Variants in CTNND2 observed in about 807,000 individuals in gnomAD.
CTNND2 encodes catenin delta-2.
CTNND2 carries 22 observed loss-of-function variants against 144.4 expected under a neutral mutation model. That is an observed-to-expected ratio of 0.15 (90% CI 0.11 to 0.22). The LOEUF is 0.22. Among genes scored for constraint, CTNND2 ranks in the 10% least tolerant of loss-of-function variants. The pLI is 1.00. For synonymous variants in CTNND2, 751 were observed against 695.6 expected (o/e 1.08, Z -1.25); for missense variants, 1,353 against 1,618.8 (o/e 0.84, Z 2.82).
At chr5:11,815,896 GCTC>G (rs934268272) in intron 1 of CTNND2, among the ~76,000 whole-genome samples, 2 of 152,072 alleles carry the variant, frequency 1.3e-5, no homozygotes, top group Non-Finnish European at 1.5e-5. Flanking sequence ...CAGAGAAAAG[GCTC>G]CTCCTCATCA....
chr5:11,839,078 G>A (rs747297259), intron 1 of CTNND2, among the ~76,000 whole-genome samples: 3 of 152,120 alleles, frequency 2.0e-5, no homozygotes, highest in Admixed American at 1.3e-4. Flanking sequence ...GCACAATTTT[G>A]TAAAAATTCA....
intron 2 of CTNND2, among the ~76,000 whole-genome samples, chr5:11,639,302 T>C (rs1781872550): frequency 6.6e-6 from 1 of 152,118 alleles, no homozygotes; most frequent in Admixed American, 6.6e-5. Flanking sequence ...TAAAATGCTG[T>C]CTCCATACCA....
intron 2 of CTNND2, among the ~76,000 whole-genome samples, chr5:11,689,710 A>T (rs1234554527): frequency 6.6e-6 from 1 of 152,122 alleles, no homozygotes; most frequent in Non-Finnish European, 1.5e-5. Flanking sequence ...ATATTTTGAC[A>T]CTTGAGAAGC....
intron 1 of CTNND2, among the ~76,000 whole-genome samples, chr5:11,805,703 ATAAG>A (rs75192449): frequency 0.099 from 15,063 of 152,074 alleles, 1,746 homozygotes; most frequent in African/African-American, 0.27. Context: ...GTTTGAATAA[ATAAG>A]TAAATGGGGA....
chr5:11,300,151 C>G (rs1418093708), intron 9 of CTNND2, among the ~76,000 whole-genome samples: 1 of 152,070 alleles, frequency 6.6e-6, no homozygotes, highest in Non-Finnish European at 1.5e-5. Context: ...GTGGTTAACC[C>G]TCAGATCCCT....
intron 11 of CTNND2, among the ~76,000 whole-genome samples, chr5:11,171,860 A>G (rs1463247121): frequency 6.6e-6 from 1 of 152,192 alleles, no homozygotes; most frequent in Non-Finnish European, 1.5e-5. Flanking sequence ...ATCAAGAAAA[A>G]GTGAGCAAAG....
chr5:11,609,680 C>A (rs1780222954), intron 2 of CTNND2, among the ~76,000 whole-genome samples: 1 of 152,132 alleles, frequency 6.6e-6, no homozygotes, highest in Non-Finnish European at 1.5e-5. Flanking sequence ...AGTGAAACAA[C>A]ACAAAGGAAT....
At chr5:11,531,833 T>C (rs1773772007) in intron 3 of CTNND2, among the ~76,000 whole-genome samples, 1 of 152,230 alleles carries the variant, frequency 6.6e-6, no homozygotes, top group Non-Finnish European at 1.5e-5. Context: ...GACATTTACA[T>C]TCTGCTATCT....
intron 1 of CTNND2, among the ~76,000 whole-genome samples, chr5:11,869,828 T>C (rs574756293): frequency 3.9e-5 from 6 of 152,310 alleles, no homozygotes; most frequent in South Asian, 4.1e-4. Flanking sequence ...AGTCCAAATA[T>C]GTGTATTTCC....
At chr5:11,524,402 G>C (rs1037367249) in intron 3 of CTNND2, among the ~76,000 whole-genome samples, 1 of 152,156 alleles carries the variant, frequency 6.6e-6, no homozygotes, top group Non-Finnish European at 1.5e-5. Flanking sequence ...TTGGCTAATG[G>C]AATTTCAAGC....
intron 9 of CTNND2, among the ~76,000 whole-genome samples, chr5:11,297,076 A>G (rs2650388): frequency 0.34 from 51,167 of 151,920 alleles, 8,654 homozygotes; most frequent in Middle Eastern, 0.39. Flanking sequence ...TGTATAATGA[A>G]CTGTGTCAAC....
intron 1 of CTNND2, among the ~76,000 whole-genome samples, chr5:11,771,666 A>C (rs1789950509): frequency 1.3e-5 from 2 of 152,178 alleles, no homozygotes; most frequent in African/African-American, 4.8e-5. Context: ...ATAATCATTT[A>C]TGCAGTCACT....
At chr5:11,802,555 G>A (rs1273238305) in intron 1 of CTNND2, among the ~76,000 whole-genome samples, 11 of 144,836 alleles carry the variant, frequency 7.6e-5, no homozygotes, top group Non-Finnish European at 1.3e-4. Flanking sequence ...CAACAAGAGC[G>A]AAACTCCATC....
intron 3 of CTNND2, among the ~76,000 whole-genome samples, chr5:11,550,601 G>T (rs776106900): frequency 2.0e-5 from 3 of 152,270 alleles, no homozygotes; most frequent in South Asian, 2.1e-4. Flanking sequence ...AACTTCCTCA[G>T]CTCTTGAGGT....
chr5:11,193,113 A>G (rs1256453160), intron 11 of CTNND2, among the ~76,000 whole-genome samples: 1 of 152,166 alleles, frequency 6.6e-6, no homozygotes, highest in Non-Finnish European at 1.5e-5. Context: ...TCAGGCTGCT[A>G]AAGGACCCAG....
At position 11,668,966 on chromosome 5, in the gene CTNND2, A is replaced by G. The variant is rs117262111; in HGVS notation, c.174+63170T>C. Among the ~76,000 whole-genome samples, 89 of 152,244 alleles carry G rather than the reference A, an allele frequency of 5.8e-4. 1 individual carries two copies. The East Asian group carries it at 0.011, about 19-fold the overall frequency. ...CAATACCTAGTTTATTGAGAGTTTT[A>G]GTAGGAAGGGCTGTGGAATTGTGTC... On this transcript the variant is annotated intron_variant, in intron 2 of 21. Coordinates refer to ENST00000304623, the MANE Select transcript of CTNND2 (RefSeq NM_001332.4).
intron 9 of CTNND2, among the ~76,000 whole-genome samples, chr5:11,304,318 CCA>C (rs111918321): frequency 0.014 from 2,077 of 147,826 alleles, 25 homozygotes; most frequent in Middle Eastern, 0.031. Flanking sequence ...CACGGACACA[CCA>C]CACACACACA....
rs368169570 is a variant in CTNND2, at chr5:11,508,698, GATCATGAGTT to G, written c.287+56236_287+56245del. On this transcript the variant is annotated intron_variant, in intron 3 of 21. Transcript: ENST00000304623. ...AGGCCGAGGTGGGTGGATCACCTGA[GATCATGAGTT>G]CCAGACCAGCCTGGCCAACATGGTG... is the stretch of plus-strand genomic sequence containing the variant. Among the ~76,000 whole-genome samples the G allele has an allele frequency of 1.1e-4, 16 of 152,298 alleles. 1 individual carries two copies. The highest frequency in any genetic ancestry group is 3.4e-3 in the Middle Eastern group (1 of 294).
intron 7 of CTNND2, 61 bp from the exon 8 acceptor site, chr5:11,364,951 A>G (rs1756824589): frequency 4.9e-6 from 7 of 1,425,426 alleles, no homozygotes; most frequent in Non-Finnish European, 6.7e-6. Context: ...AACTTGTTTA[A>G]TCAAAGACAT....
Sources: gnomAD v4.1 joint callset for allele counts (sites outside exome capture counted in the v4.1 genomes callset) on GRCh38, gnomAD v4.1.1 for gene constraint, MANE v1.5 for transcripts, NCBI Gene and HGNC (gene_info 2026-07-23, HGNC 2026-07-21) for gene names.